CREM: variants seen among roughly 807,000 people sequenced by gnomAD.
CREM encodes the protein cAMP responsive element modulator.
In CREM, 13 loss-of-function variants were observed where a neutral mutation model predicts 37.3. That is an observed-to-expected ratio of 0.35 (90% CI 0.23 to 0.55). The LOEUF (loss-of-function observed/expected upper bound fraction) is 0.55. Among genes scored for constraint, CREM ranks in the 20% least tolerant of loss-of-function variants. The pLI is 0.88. For synonymous variants in CREM, 124 were observed against 120.2 expected (o/e 1.03, Z -0.21); for missense variants, 296 against 362.3 (o/e 0.82, Z 1.49).
intron 3 of CREM, among the ~76,000 whole-genome samples, chr10:35,149,466 A>G (rs2092415244): frequency 6.6e-6 from 1 of 152,202 alleles, no homozygotes; most frequent in Middle Eastern, 3.4e-3. Flanking sequence ...TAGTATTGAA[A>G]TATTTTCAGG....
rs550765243 is a variant in CREM at position 35,140,515 on chromosome 10, T to C, written c.44+2636T>C. 1.3e-4 allele frequency among the ~76,000 whole-genome samples: 20 copies of C among 152,318 alleles called. No individual in the cohort carries two copies. In the South Asian group the frequency reaches 3.9e-3, roughly 30 times the overall value. On this transcript the variant is annotated intron_variant, in intron 2 of 7. Transcript: ENST00000685392. ...CTGACAGTTGCACAGTCTTCCAGGA[T>C]AATTGATTAATTGGTTTATTTAGCA...
At chr10:35,134,060 T>G (rs557427761) in intron 1 of CREM, among the ~76,000 whole-genome samples, 28 of 151,974 alleles carry the variant, frequency 1.8e-4, no homozygotes, top group Middle Eastern at 3.4e-3. Flanking sequence ...TTTTTGTTTT[T>G]TTTTTTTTTT....
At chr10:35,195,747 G>T (rs975537477) in intron 6 of CREM, 5 of 421,712 alleles carry the variant, frequency 1.2e-5, no homozygotes, top group Non-Finnish European at 2.2e-5. Flanking sequence ...ATTTAAAATG[G>T]TCTGTTCAGC....
At chr10:35,168,477 C>T (rs2093655930) in intron 3 of CREM, among the ~76,000 whole-genome samples, 1 of 152,104 alleles carries the variant, frequency 6.6e-6, no homozygotes, top group Non-Finnish European at 1.5e-5. Flanking sequence ...TGTTTGAGTT[C>T]ATTGTAGATT....
Position 35,167,545 on chromosome 10 carries a change from G to A in CREM, c.169-11344G>A, listed in dbSNP as rs1589785468. On this transcript the variant is annotated intron_variant, in intron 3 of 7. Transcript: ENST00000685392. ...CCCCATCGTGAGGGAACCTAGCTAC[G>A]GGTCAGAGCTAGTCCACTAGGTGCT... is the stretch of plus-strand genomic sequence containing the variant. 19 of 586,340 alleles carry A rather than the reference G, an allele frequency of 3.2e-5. No individual in the cohort carries two copies. In the East Asian group the frequency reaches 3.6e-4, roughly 11 times the overall value. The allele number at this position is 586,340 out of a possible 1,614,324, so 36.3% of individuals were successfully genotyped here.
At chr10:35,182,978 T>G (rs1054070068) in intron 5 of CREM, among the ~76,000 whole-genome samples, 12 of 152,176 alleles carry the variant, frequency 7.9e-5, no homozygotes, top group African/African-American at 2.9e-4. Context: ...ATGAGTGAAT[T>G]TGTAAAAGCA....
At chr10:35,176,468 C>T (rs2094090528) in intron 3 of CREM, among the ~76,000 whole-genome samples, 1 of 145,844 alleles carries the variant, frequency 6.9e-6, no homozygotes, top group African/African-American at 2.5e-5. Context: ...AGGGCAGTGG[C>T]ATGATCTCGG....
intron 2 of CREM, among the ~76,000 whole-genome samples, chr10:35,140,311 A>G (rs2091245428): frequency 1.3e-5 from 2 of 152,202 alleles, no homozygotes; most frequent in South Asian, 4.1e-4. Flanking sequence ...GCATACTCCA[A>G]AACACATCAT....
intron 1 of CREM, among the ~76,000 whole-genome samples, chr10:35,134,620 C>G (rs183267221): frequency 3.3e-5 from 5 of 152,198 alleles, no homozygotes; most frequent in Middle Eastern, 3.2e-3. Context: ...CTTTATTACC[C>G]TCTCTGTAAT....
At chr10:35,200,615 G>A (rs1365003891) in intron 6 of CREM, among the ~76,000 whole-genome samples, 1 of 152,188 alleles carries the variant, frequency 6.6e-6, no homozygotes, top group African/African-American at 2.4e-5. Flanking sequence ...GCATGGAGGT[G>A]TAGGATCTGG....
chr10:35,137,777 T>A lies in CREM; in HGVS notation c.-54-5T>A, dbSNP rs2090796059. 7.4e-7 allele frequency: 1 copy of A among 1,343,892 alleles called. No homozygotes were observed. 83.2% of individuals were successfully genotyped at this position (1,343,892 alleles called of 1,614,324 possible). On this transcript the variant is annotated splice_polypyrimidine_tract_variant and splice_region_variant and intron_variant, in intron 1 of 7. Transcript: ENST00000685392. ...TCCCAATTCAACATTATAATTTTAC[T>A]GCAGGATAAATAAAGAAAACAGGAA...
rs537996240 is a variant in CREM, at chr10:35,196,808, G to A, written c.598+8420G>A. 8.2e-4 allele frequency among the ~76,000 whole-genome samples: 122 copies of A among 149,044 alleles called. 1 individual carries two copies. Among genetic ancestry groups the A allele is most frequent in the Middle Eastern group, 7.0e-3 (2 of 284 alleles). On this transcript the variant is annotated intron_variant, in intron 6 of 7. Transcript: ENST00000685392. ...TTCATTCCTATTACCCCTTTGACTT[G>A]TCTAAGCATAAGACTCATAACAAAA...
chr10:35,165,344 G>C (rs1022467064), intron 3 of CREM, among the ~76,000 whole-genome samples: 1 of 152,008 alleles, frequency 6.6e-6, no homozygotes, highest in Non-Finnish European at 1.5e-5. Context: ...CCATTCATGA[G>C]GGATCCCCCA....
At chr10:35,190,261 T>C (rs909803436) in intron 6 of CREM, among the ~76,000 whole-genome samples, 4 of 152,248 alleles carry the variant, frequency 2.6e-5, no homozygotes, top group Non-Finnish European at 5.9e-5. Flanking sequence ...TTCTTCTATT[T>C]GCTTTATGGT....
chr10:35,156,319 A>G (rs141665269), intron 3 of CREM, among the ~76,000 whole-genome samples: 1,521 of 151,362 alleles, frequency 0.01, 14 homozygotes, highest in Non-Finnish European at 0.015. Context: ...TATGATCGTG[A>G]CTCACTGCAG....
At chr10:35,179,049 T>C in intron 4 of CREM, 63 bp downstream of exon 4, 1 of 1,535,694 alleles carries the variant, frequency 6.5e-7, no homozygotes, top group Admixed American at 1.9e-5. Context: ...TAATTATACA[T>C]CAAATCAATT....
At chr10:35,207,267 G>T (rs1397206171) in intron 7 of CREM, among the ~76,000 whole-genome samples, 2 of 151,992 alleles carry the variant, frequency 1.3e-5, no homozygotes, top group African/African-American at 4.8e-5. Context: ...GGTGGCAGGT[G>T]CCTGTAGTCC....
chr10:35,195,098 C>T (rs2095094801), intron 6 of CREM: 1 of 1,359,000 alleles, frequency 7.4e-7, no homozygotes, highest in Non-Finnish European at 1.0e-6. Context: ...TGTCAGTCCT[C>T]CTGCTTATCC....
intron 3 of CREM, among the ~76,000 whole-genome samples, chr10:35,169,580 CTTTA>C (rs1196008258): frequency 6.6e-6 from 1 of 152,140 alleles, no homozygotes; most frequent in Non-Finnish European, 1.5e-5. Flanking sequence ...ATTGAATACC[CTTTA>C]TTTCTTTCTC....
Sources: allele counts gnomAD v4.1 joint callset (sites outside exome capture counted in the v4.1 genomes callset), GRCh38; gene constraint gnomAD v4.1.1; transcripts MANE v1.5; gene names NCBI Gene and HGNC (gene_info 2026-07-23, HGNC 2026-07-21).